The following MTMR2 variants were observed in gnomAD, a reference collection of about 807,000 sequenced individuals.
MTMR2 encodes myotubularin related protein 2.
MTMR2 carries 55 observed loss-of-function variants against 86.9 expected under a neutral mutation model. That is an observed-to-expected ratio of 0.63 (90% CI 0.51 to 0.79). The LOEUF is 0.79. Ranked by LOEUF, MTMR2 falls within the 30% of genes least tolerant of loss-of-function variation. MTMR2 has a pLI of 0.00. For missense variants in MTMR2, 659 were observed against 772.3 expected (o/e 0.85, Z 1.74); for synonymous variants, 241 against 266.8 (o/e 0.90, Z 0.94).
rs111596020 is a variant in MTMR2, at chr11:95,917,904, T to G, written c.80+5971A>C. The stretch of plus-strand genomic sequence containing the variant: ...CATGTGGTTCGAGGGTCAACTGTAC[T>G]TTTTTTAAAAATGCTTGTTTCCACT... On this transcript the variant is annotated intron_variant, in intron 1 of 14. Coordinates refer to ENST00000346299, the MANE Select transcript of MTMR2 (RefSeq NM_016156.6). 4.4e-3 allele frequency among the ~76,000 whole-genome samples: 673 copies of G among 152,298 alleles called. 3 individuals carry two copies. The highest frequency in any genetic ancestry group is 6.5e-3 in the Non-Finnish European group (442 of 68,008).
intron 2 of MTMR2, among the ~76,000 whole-genome samples, chr11:95,870,227 T>C (rs925261594): frequency 7.9e-5 from 12 of 152,146 alleles, no homozygotes; most frequent in African/African-American, 2.2e-4. Context: ...AAAACGTTAA[T>C]GGAAAAATTC....
intron 2 of MTMR2, among the ~76,000 whole-genome samples, chr11:95,872,256 T>C (rs944799682): frequency 3.5e-5 from 5 of 141,176 alleles, no homozygotes; most frequent in African/African-American, 1.2e-4. Flanking sequence ...CCCATGAGCA[T>C]GGAATGTTCA....
chr11:95,893,210 A>G (rs1865770963), intron 1 of MTMR2, among the ~76,000 whole-genome samples: 1 of 152,140 alleles, frequency 6.6e-6, no homozygotes, highest in Non-Finnish European at 1.5e-5. Context: ...TCAACAACCT[A>G]GCTCAAAATT....
Position 95,877,241 on chromosome 11 carries a change from T to C in MTMR2, c.186+10915A>G, listed in dbSNP as rs374042657. Among the ~76,000 whole-genome samples the C allele has an allele frequency of 2.7e-5, 4 of 149,638 alleles. No individual in the cohort carries two copies. In the East Asian group the frequency reaches 7.9e-4, roughly 30 times the overall value. On this transcript the variant is annotated intron_variant, in intron 2 of 14. Transcript: ENST00000346299. ...CCAAATGAACCATGCAAACAAAAAT[T>C]CTAACAAGGTAGAGCCACAGACTGG...
intron 2 of MTMR2, among the ~76,000 whole-genome samples, chr11:95,886,694 G>T (rs779229695): frequency 1.2e-4 from 18 of 152,106 alleles, no homozygotes; most frequent in Non-Finnish European, 2.1e-4. Flanking sequence ...TCATTCCTGA[G>T]TTATCAGTCA....
chr11:95,914,386 CA>C, intron 1 of MTMR2: 1 of 983,332 alleles, frequency 1.0e-6, no homozygotes, highest in Non-Finnish European at 1.2e-6. Context: ...AATCATTGTG[CA>C]AAGCCTGCAG....
chr11:95,881,927 T>C (rs922439599), intron 2 of MTMR2, among the ~76,000 whole-genome samples: 1 of 152,208 alleles, frequency 6.6e-6, no homozygotes, highest in Non-Finnish European at 1.5e-5. Flanking sequence ...CATCATTAAG[T>C]ATGAGGCTTA....
At chr11:95,852,431 T>C (rs1224653482) in intron 7 of MTMR2, among the ~76,000 whole-genome samples, 1 of 152,212 alleles carries the variant, frequency 6.6e-6, no homozygotes, top group Non-Finnish European at 1.5e-5. Context: ...TCAAGCTGTT[T>C]CCAAACACCC....
intron 7 of MTMR2, among the ~76,000 whole-genome samples, chr11:95,851,082 A>G (rs1431769864): frequency 2.8e-5 from 2 of 72,388 alleles, no homozygotes; most frequent in African/African-American, 6.1e-5. Flanking sequence ...TTTTTTTTTG[A>G]GACAGAGTCT....
intron 13 of MTMR2, 52 bp from the exon 14 acceptor site, chr11:95,836,376 CT>C: frequency 6.7e-7 from 1 of 1,502,914 alleles, no homozygotes; most frequent in Non-Finnish European, 9.2e-7. Context: ...GCCATTTACA[CT>C]TTAGATGAAA....
At chr11:95,836,880 G>A (rs1291695163) in intron 13 of MTMR2, among the ~76,000 whole-genome samples, 1 of 151,908 alleles carries the variant, frequency 6.6e-6, no homozygotes, top group African/African-American at 2.4e-5. Context: ...ACTATTAACA[G>A]GTTTTCTGAG....
rs987276836 is a variant in MTMR2, at chr11:95,835,038, G to A, written c.*252C>T. 7 of 467,998 alleles carry A rather than the reference G, an allele frequency of 1.5e-5. No individual in the cohort carries two copies. The highest frequency in any genetic ancestry group is 2.3e-5 in the Non-Finnish European group (6 of 255,914). The allele number at this position is 467,998 out of a possible 1,614,324, so 29.0% of individuals were successfully genotyped here. ...GAAACTTGTTCCCACTGTGAATCCA[G>A]GATTGAAGTATTTTAATATTCTTTG... is the stretch of plus-strand genomic sequence containing the variant. On this transcript the variant is annotated 3_prime_UTR_variant, in exon 15 of 15. Coordinates refer to ENST00000346299, the MANE Select transcript of MTMR2 (RefSeq NM_016156.6).
At chr11:95,917,537 C>T (rs916940984) in intron 1 of MTMR2, among the ~76,000 whole-genome samples, 1 of 152,014 alleles carries the variant, frequency 6.6e-6, no homozygotes, top group African/African-American at 2.4e-5. Context: ...GCTGAAAATC[C>T]GCATATAATT....
At chr11:95,915,108 T>A (rs968427493) in intron 1 of MTMR2, among the ~76,000 whole-genome samples, 1 of 152,190 alleles carries the variant, frequency 6.6e-6, no homozygotes, top group African/African-American at 2.4e-5. Flanking sequence ...GGCAATGCCT[T>A]TGGTTATGAT....
intron 5 of MTMR2, among the ~76,000 whole-genome samples, chr11:95,858,922 G>A (rs1375941052): frequency 1.3e-5 from 2 of 152,144 alleles, no homozygotes; most frequent in East Asian, 3.8e-4. Context: ...GTAACCACTG[G>A]AGATTAACGA....
intron 2 of MTMR2, among the ~76,000 whole-genome samples, chr11:95,885,386 T>C (rs1261604972): frequency 2.0e-5 from 3 of 152,114 alleles, no homozygotes; most frequent in East Asian, 3.8e-4. Flanking sequence ...AGGGCTCCTA[T>C]GAAAACTGGA....
At chr11:95,921,688 T>C (rs1234800479) in intron 1 of MTMR2, among the ~76,000 whole-genome samples, 1 of 152,210 alleles carries the variant, frequency 6.6e-6, no homozygotes, top group Non-Finnish European at 1.5e-5. Flanking sequence ...GAAACTTCCA[T>C]ACAGTAGACA....
chr11:95,875,396 G>A (rs566993599), intron 2 of MTMR2, among the ~76,000 whole-genome samples: 2 of 152,266 alleles, frequency 1.3e-5, no homozygotes, highest in South Asian at 2.1e-4. Flanking sequence ...ATCAGCTACT[G>A]AGGCTTGTGC....
intron 2 of MTMR2, among the ~76,000 whole-genome samples, chr11:95,886,813 T>C (rs1245586936): frequency 1.3e-5 from 2 of 152,152 alleles, no homozygotes; most frequent in Non-Finnish European, 2.9e-5. Flanking sequence ...CCTTAGTGGA[T>C]TTTTATTAAT....
Sources: allele counts gnomAD v4.1 joint callset (sites outside exome capture counted in the v4.1 genomes callset), GRCh38; gene constraint gnomAD v4.1.1; transcripts MANE v1.5; gene names NCBI Gene and HGNC (gene_info 2026-07-23, HGNC 2026-07-21).